Variants in PTPRT observed in about 807,000 individuals in gnomAD.
PTPRT encodes the protein protein tyrosine phosphatase receptor type T.
In PTPRT, 56 loss-of-function variants were observed where a neutral mutation model predicts 176.8. The observed-to-expected ratio is 0.32, with a 90% CI of 0.26 to 0.40. PTPRT has a LOEUF of 0.40. Ranked by LOEUF, PTPRT falls within the 10% of genes least tolerant of loss-of-function variation. PTPRT has a pLI of 1.00. For missense variants in PTPRT, 1,540 were observed against 1,908.2 expected (o/e 0.81, Z 3.60); for synonymous variants, 783 against 739.0 (o/e 1.06, Z -0.96).
intron 29 of PTPRT, among the ~76,000 whole-genome samples, chr20:42,082,809 C>A (rs544338133): frequency 6.6e-6 from 1 of 152,170 alleles, no homozygotes; most frequent in African/African-American, 2.4e-5. Context: ...AACTCCTGGG[C>A]GTGTTGCCAA....
intron 7 of PTPRT, among the ~76,000 whole-genome samples, chr20:42,637,488 T>A (rs1600522213): frequency 6.6e-6 from 1 of 152,200 alleles, no homozygotes; most frequent in African/African-American, 2.4e-5. Flanking sequence ...CAACCCAGAA[T>A]GGGGTTCCTG....
intron 1 of PTPRT, among the ~76,000 whole-genome samples, chr20:42,914,433 C>T (rs971422210): frequency 2.6e-5 from 4 of 152,142 alleles, no homozygotes; most frequent in Admixed American, 6.5e-5. Context: ...CTCCACAGTC[C>T]GTGGATCCTT....
At position 42,350,405 on chromosome 20, in the gene PTPRT, T is replaced by A. The variant is rs1263949419; in HGVS notation, c.1865+223A>T. Among the ~76,000 whole-genome samples, 6 of 151,956 alleles carry A rather than the reference T, an allele frequency of 3.9e-5. No individual in the cohort carries two copies. In the East Asian group the frequency reaches 5.8e-4, roughly 15 times the overall value. On this transcript the variant is annotated intron_variant, in intron 11 of 30. Transcript: ENST00000373187. Reference sequence around the variant, plus strand: ...TACCACATCCAGCTAATTTAAAAAATTTTTTTCTTTGTATAGACGGGGTCT... The same window carrying A: ...TACCACATCCAGCTAATTTAAAAAAATTTTTTCTTTGTATAGACGGGGTCT...
At position 43,163,756 on chromosome 20, in the gene PTPRT, A is replaced by G. The variant is rs145418637; in HGVS notation, c.88+25890T>C. 4.0e-4 allele frequency among the ~76,000 whole-genome samples: 61 copies of G among 152,332 alleles called. 1 individual carries two copies. In the Middle Eastern group the frequency reaches 0.01, roughly 25 times the overall value. ...CTGGACTGGTTCCCTCAGGGGAAAAATTATCCAAAGATATATACACCGACA... is the reference window on the plus strand; with the variant it reads ...CTGGACTGGTTCCCTCAGGGGAAAAGTTATCCAAAGATATATACACCGACA... On this transcript the variant is annotated intron_variant, in intron 1 of 30. Coordinates refer to ENST00000373187, the MANE Select transcript of PTPRT (RefSeq NM_007050.6).
intron 2 of PTPRT, among the ~76,000 whole-genome samples, chr20:42,859,643 G>A (rs1330569682): frequency 2.8e-5 from 4 of 145,452 alleles, no homozygotes; most frequent in Non-Finnish European, 5.9e-5. Context: ...GAGTGCAGTG[G>A]CACGATCTTG....
intron 1 of PTPRT, among the ~76,000 whole-genome samples, chr20:42,894,041 A>AT (rs11394837): frequency 2.1e-5 from 2 of 96,630 alleles, no homozygotes; most frequent in Non-Finnish European, 5.5e-5. Context: ...TTAAAAAATT[A>AT]AAAAAAAAAG....
chr20:42,268,216 A>G (rs749274803), intron 13 of PTPRT, among the ~76,000 whole-genome samples: 4 of 152,210 alleles, frequency 2.6e-5, no homozygotes, highest in Non-Finnish European at 5.9e-5. Context: ...TGGCACTCAC[A>G]GGCACCTCAC....
At chr20:42,158,938 G>A (rs1435507717) in intron 17 of PTPRT, among the ~76,000 whole-genome samples, 2 of 152,124 alleles carry the variant, frequency 1.3e-5, no homozygotes, top group African/African-American at 2.4e-5. Flanking sequence ...AGGGTACAAC[G>A]AAGAAAGTTT....
intron 7 of PTPRT, among the ~76,000 whole-genome samples, chr20:42,642,937 G>T (rs2074795102): frequency 1.3e-5 from 2 of 152,140 alleles, no homozygotes; most frequent in Admixed American, 1.3e-4. Context: ...GCAAGTGGAT[G>T]CTTGAAAAAG....
At chr20:42,357,280 A>G (rs1468843465) in intron 9 of PTPRT, among the ~76,000 whole-genome samples, 1 of 152,214 alleles carries the variant, frequency 6.6e-6, no homozygotes, top group Non-Finnish European at 1.5e-5. Context: ...GTAGCAACAG[A>G]TACCCTACAG....
At chr20:42,969,128 T>C (rs184378167) in intron 1 of PTPRT, 6 of 152,336 alleles carry the variant, frequency 3.9e-5, no homozygotes, top group Admixed American at 2.0e-4. Flanking sequence ...ACACGTACAC[T>C]TGCCTAAAGG....
chr20:42,879,046 C>CA lies in PTPRT; in HGVS notation c.214+6760dup, dbSNP rs536001749. ...TCCATCTCAAAAAAACAAAACAAAA[C>CA]AAAAAAACAGAAGAAAGCAAAGCTT... On this transcript the variant is annotated intron_variant, in intron 2 of 30. Coordinates refer to ENST00000373187, the MANE Select transcript of PTPRT (RefSeq NM_007050.6). Among the ~76,000 whole-genome samples, 367 of 152,056 alleles carry CA rather than the reference C, an allele frequency of 2.4e-3. 4 individuals carry two copies. Among genetic ancestry groups the CA allele is most frequent in the African/African-American group, 8.5e-3 (351 of 41,500 alleles).
intron 2 of PTPRT, among the ~76,000 whole-genome samples, chr20:42,870,310 A>G (rs533702494): frequency 6.6e-6 from 1 of 152,340 alleles, no homozygotes; most frequent in East Asian, 1.9e-4. Flanking sequence ...TTCAAGGTTC[A>G]TCCATGTTGT....
intron 2 of PTPRT, among the ~76,000 whole-genome samples, chr20:42,846,028 G>A (rs374277497): frequency 6.6e-6 from 1 of 152,202 alleles, no homozygotes; most frequent in African/African-American, 2.4e-5. Flanking sequence ...CCCCAGGGAC[G>A]CTACAAGGCA....
At chr20:42,158,192 A>G (rs1989442376) in intron 17 of PTPRT, among the ~76,000 whole-genome samples, 1 of 152,224 alleles carries the variant, frequency 6.6e-6, no homozygotes, top group Admixed American at 6.5e-5. Context: ...ACTGTCTAAC[A>G]CACTACATTA....
intron 2 of PTPRT, among the ~76,000 whole-genome samples, chr20:42,837,020 C>T (rs990237488): frequency 1.3e-5 from 2 of 152,146 alleles, no homozygotes; most frequent in South Asian, 2.1e-4. Context: ...ACTGCCGCAC[C>T]GCATGGTTTC....
intron 2 of PTPRT, among the ~76,000 whole-genome samples, chr20:42,834,190 A>G (rs1160602298): frequency 6.6e-6 from 1 of 152,190 alleles, no homozygotes; most frequent in East Asian, 1.9e-4. Flanking sequence ...AACGGGCAAA[A>G]AATTTGAGCA....
chr20:43,025,348 A>G (rs1045424736), intron 1 of PTPRT, among the ~76,000 whole-genome samples: 1 of 152,240 alleles, frequency 6.6e-6, no homozygotes, highest in Non-Finnish European at 1.5e-5. Context: ...AAAGTTCAGT[A>G]AGTCAGGGAA....
chr20:42,437,756 C>G (rs888584422), intron 9 of PTPRT, among the ~76,000 whole-genome samples: 2 of 152,168 alleles, frequency 1.3e-5, no homozygotes, highest in Non-Finnish European at 2.9e-5. Context: ...AAAAGACAAG[C>G]AACAAATCAC....
Sources: gnomAD v4.1 joint callset for allele counts (sites outside exome capture counted in the v4.1 genomes callset) on GRCh38, gnomAD v4.1.1 for gene constraint, MANE v1.5 for transcripts, NCBI Gene and HGNC (gene_info 2026-07-23, HGNC 2026-07-21) for gene names.